The following FAM193A variants were observed in gnomAD, a reference collection of about 807,000 sequenced individuals.
The protein encoded by FAM193A is protein FAM193A.
Under a neutral mutation model 126.5 loss-of-function variants are expected in FAM193A, and 22 were observed. The ratio of observed to expected loss-of-function variants is 0.17; its 90% CI spans 0.12 to 0.25. FAM193A has a LOEUF of 0.25. Ranked by LOEUF, FAM193A falls within the 10% of genes least tolerant of loss-of-function variation. The pLI is 1.00. For missense variants in FAM193A, 1,675 were observed against 1,672.8 expected, an observed-to-expected ratio of 1.00 and a Z score of -0.02; for synonymous variants, 761 against 646.8, an observed-to-expected ratio of 1.18 and a Z score of -2.68.
chr4:2,660,040 C>G lies in FAM193A; in HGVS notation c.1731C>G (p.Gly577=). The G allele has an allele frequency of 6.2e-7, 1 of 1,613,850 alleles. No homozygotes were observed. Among genetic ancestry groups the G allele is most frequent in the Non-Finnish European group, 8.5e-7 (1 of 1,179,768 alleles). ...CCAGGCTCATCCTCACAGACAGTGG[C>G]TCGGCACCAACTTTGTAAGTTGTGA... ...QHPRLILTDS[G]SAPTFCSDDE... is the part of the protein sequence containing the mutation. Residue 577 remains glycine, a synonymous_variant, in exon 10 of 21, where the codon GGC becomes GGG. Transcript: ENST00000637812.
chr4:2,661,703 CACG>C (rs1376556613), intron 10 of FAM193A, among the ~76,000 whole-genome samples: 1 of 152,174 alleles, frequency 6.6e-6, no homozygotes, highest in Non-Finnish European at 1.5e-5. Flanking sequence ...GAAGTGAGAT[CACG>C]ACGAGTTCCT....
intron 4 of FAM193A, among the ~76,000 whole-genome samples, chr4:2,629,859 C>CAG: frequency 6.6e-6 from 1 of 152,076 alleles, no homozygotes; most frequent in Non-Finnish European, 1.5e-5. Flanking sequence ...CGGCCGGGTG[C>CAG]GGTGGCTCAC....
rs376640137 is a variant in FAM193A, at chr4:2,590,899, C to T, written c.256-5185C>T. Among the ~76,000 whole-genome samples the T allele has an allele frequency of 3.6e-4, 54 of 151,536 alleles. No individual in the cohort carries two copies. The East Asian group carries it at 4.1e-3, about 12-fold the overall frequency. On this transcript the variant is annotated intron_variant, in intron 1 of 20. Coordinates refer to ENST00000637812, the MANE Select transcript of FAM193A (RefSeq NM_001366318.2). The stretch of plus-strand genomic sequence containing the variant: ...AAAATTAACCAGGCGTGGTGGCGCG[C>T]GCCTGTAATCCCAGCTACTTGGTAG...
intron 16 of FAM193A, 73 bp downstream of exon 16, chr4:2,693,947 A>G: frequency 1.4e-6 from 2 of 1,463,820 alleles, no homozygotes; most frequent in East Asian, 2.3e-5. Context: ...ACACAGCTAC[A>G]GAAACTCCCC....
At chr4:2,655,767 A>G (rs1423770467) in intron 7 of FAM193A, among the ~76,000 whole-genome samples, 1 of 151,938 alleles carries the variant, frequency 6.6e-6, no homozygotes, top group African/African-American at 2.4e-5. Flanking sequence ...CCCCATCTCT[A>G]CAAGGAAAAA....
At chr4:2,678,450 C>G (rs1308655027) in intron 13 of FAM193A, among the ~76,000 whole-genome samples, 1 of 151,216 alleles carries the variant, frequency 6.6e-6, no homozygotes, top group Non-Finnish European at 1.5e-5. Context: ...GCACCCTCCA[C>G]CACCCAGGTT....
rs1360276242 is a variant in FAM193A at position 2,626,430 on chromosome 4, A to G, written c.656A>G (p.Asp219Gly). The G allele has an allele frequency of 5.7e-6, 4 of 699,844 alleles. No homozygotes were observed. In the Admixed American group the frequency reaches 6.0e-5, roughly 11 times the overall value. The allele number at this position is 699,844 out of a possible 1,614,324, so 43.4% of individuals were successfully genotyped here. The change falls in exon 4 of 21, where the codon GAC becomes GGC. Residue 219 changes from aspartate (D) to glycine (G), a missense_variant. This residue lies in a region of FAM193A where 1,186 missense variants were observed against 1,109.2 expected (regional missense o/e 1.07). Transcript: ENST00000637812. ...CACAGAGAAATTTCGGCAGAGGCGG[A>G]CCGGGAACCTCAGCAGCTGCAGAAC... ...SERREISAEA[D>G]REPQQLQNYW...
chr4:2,556,218 G>C (rs1255017920), intron 1 of FAM193A, among the ~76,000 whole-genome samples: 1 of 146,690 alleles, frequency 6.8e-6, no homozygotes, highest in Non-Finnish European at 1.5e-5. Context: ...TCCTTTTTTT[G>C]TTGTTGTTGA....
chr4:2,560,445 G>C (rs1207507123), intron 1 of FAM193A, among the ~76,000 whole-genome samples: 2 of 152,164 alleles, frequency 1.3e-5, no homozygotes, highest in East Asian at 3.8e-4. Context: ...ACTGCGCTGT[G>C]GCCTGCTTGG....
In FAM193A at chr4:2,690,782, C is replaced by T. The variant is rs149977203; in HGVS notation, c.2615C>T (p.Ser872Leu). ...PPSSNETPAV[S>L]DSKEKKNAAK... ...TCTAGCAATGAAACACCTGCAGTCT[C>T]GGATAGTAAAGAGAAAAAGAATGCT... The change falls in exon 15 of 21, where the codon TCG (serine) becomes TTG (leucine). Residue 872 changes from serine (S) to leucine (L), a missense_variant. By Grantham distance (145) the Ser-to-Leu change is moderately radical (BLOSUM62 -2). Around this residue, in one of 4 missense-constraint regions of FAM193A, gnomAD observed 1,186 missense variants for 1,109.2 expected, o/e 1.07. Coordinates refer to ENST00000637812, the MANE Select transcript of FAM193A (RefSeq NM_001366318.2). 1.4e-4 allele frequency: 228 copies of T among 1,613,898 alleles called. No individual in the cohort carries two copies. The highest frequency in any genetic ancestry group is 1.2e-3 in the African/African-American group (91 of 75,002).
At chr4:2,594,582 G>A (rs968795776) in intron 1 of FAM193A, among the ~76,000 whole-genome samples, 1 of 152,218 alleles carries the variant, frequency 6.6e-6, no homozygotes, top group African/African-American at 2.4e-5. Flanking sequence ...AAGGCCAGGC[G>A]AGGCTTCCCT....
intron 1 of FAM193A, among the ~76,000 whole-genome samples, chr4:2,561,397 G>A (rs982774445): frequency 2.6e-5 from 4 of 151,716 alleles, no homozygotes; most frequent in African/African-American, 9.7e-5. Flanking sequence ...TGGCCAGGCT[G>A]CTCTCAAACT....
intron 12 of FAM193A, among the ~76,000 whole-genome samples, chr4:2,666,024 A>G (rs1713075528): frequency 6.6e-6 from 1 of 152,152 alleles, no homozygotes; most frequent in South Asian, 2.1e-4. Flanking sequence ...GAAACTCAGT[A>G]CAGAATAGAA....
chr4:2,701,238 G>C (rs1250626571), intron 19 of FAM193A, among the ~76,000 whole-genome samples: 4 of 148,070 alleles, frequency 2.7e-5, no homozygotes, highest in Non-Finnish European at 5.9e-5. Context: ...TCTAATTGTA[G>C]ACCTTACTCA....
At chr4:2,687,339 G>C (rs538850800) in intron 13 of FAM193A, among the ~76,000 whole-genome samples, 1 of 152,276 alleles carries the variant, frequency 6.6e-6, no homozygotes, top group African/African-American at 2.4e-5. Flanking sequence ...TACTTACTAT[G>C]GGCCAGGCAG....
In FAM193A at chr4:2,658,019, G is replaced by T. The variant is rs1306706531; in HGVS notation, c.1389+139G>T. 9.2e-6 allele frequency: 6 copies of T among 651,750 alleles called. No homozygotes were observed. In the East Asian group the frequency reaches 1.3e-4, roughly 14 times the overall value. The allele number at this position is 651,750 out of a possible 1,614,324, so 40.4% of individuals were successfully genotyped here. On this transcript the variant is annotated intron_variant, in intron 8 of 20. Transcript: ENST00000637812. Reference sequence around the variant, plus strand: ...GCATGTTTTGCCAGCGTTAAAAACTGTTCAAGATGGTGTTTTTAATCTCAA... The same window carrying T: ...GCATGTTTTGCCAGCGTTAAAAACTTTTCAAGATGGTGTTTTTAATCTCAA...
chr4:2,681,724 A>C (rs1311866802), intron 13 of FAM193A, among the ~76,000 whole-genome samples: 2 of 152,150 alleles, frequency 1.3e-5, no homozygotes, highest in African/African-American at 4.8e-5. Flanking sequence ...TCAGCCTCCC[A>C]AGGTGCTGGA....
intron 2 of FAM193A, among the ~76,000 whole-genome samples, chr4:2,608,785 T>A (rs1297852689): frequency 6.6e-6 from 1 of 152,122 alleles, no homozygotes; most frequent in African/African-American, 2.4e-5. Flanking sequence ...ACTAAACAAA[T>A]CTTGCTCCTT....
intron 7 of FAM193A, among the ~76,000 whole-genome samples, chr4:2,650,432 T>TTCCTGCCCGGCTC (rs1293133489): frequency 2.0e-5 from 3 of 152,158 alleles, no homozygotes; most frequent in Non-Finnish European, 2.9e-5. Flanking sequence ...GGGGCCGGCT[T>TTCCTGCCCGGCTC]TCCTGCCCGG....
Sources: gnomAD v4.1 joint callset for allele counts (sites outside exome capture counted in the v4.1 genomes callset) on GRCh38, gnomAD v4.1.1 for gene constraint, gnomAD v4.1.1 regional missense constraint, MANE v1.5 for transcripts, NCBI Gene and HGNC (gene_info 2026-07-23, HGNC 2026-07-21) for gene names.